AUTS2: variants seen among roughly 807,000 people sequenced by gnomAD.
AUTS2 encodes the protein activator of transcription and developmental regulator AUTS2.
Under a neutral mutation model 112.4 loss-of-function variants are expected in AUTS2, and 17 were observed. The observed-to-expected ratio is 0.15, with a 90% CI of 0.10 to 0.23. The LOEUF (loss-of-function observed/expected upper bound fraction) is 0.23, where lower values mean the gene tolerates loss of function less well. Among genes scored for constraint, AUTS2 ranks in the 10% least tolerant of loss-of-function variants. AUTS2 has a pLI of 1.00. For synonymous variants in AUTS2, 751 were observed against 702.7 expected, an observed-to-expected ratio of 1.07 and a Z score of -1.09; for missense variants, 1,510 against 1,701.6, an observed-to-expected ratio of 0.89 and a Z score of 1.98.
At chr7:69,966,978 G>C (rs1797657532) in intron 2 of AUTS2, among the ~76,000 whole-genome samples, 1 of 152,330 alleles carries the variant, frequency 6.6e-6, no homozygotes, top group African/African-American at 2.4e-5. Flanking sequence ...AGGGGGAATA[G>C]TAAGAGAAAG....
chr7:69,824,115 A>G (rs1791128204), intron 1 of AUTS2, among the ~76,000 whole-genome samples: 1 of 152,156 alleles, frequency 6.6e-6, no homozygotes, highest in Non-Finnish European at 1.5e-5. Flanking sequence ...AATTATAGCT[A>G]TTAATAAGTG....
At position 69,973,260 on chromosome 7, in the gene AUTS2, T is replaced by C. The variant is rs1797928867; in HGVS notation, c.522+73762T>C. On this transcript the variant is annotated intron_variant, in intron 2 of 18. Transcript: ENST00000342771. ...TTGTTAGTATACAGAATACAACTTA[T>C]TTTCAAATGTTGTTTTTTGTATCCT... 2.0e-5 allele frequency among the ~76,000 whole-genome samples: 3 copies of C among 152,234 alleles called. No homozygotes were observed. In the South Asian group the frequency reaches 6.2e-4, roughly 31 times the overall value.
intron 2 of AUTS2, among the ~76,000 whole-genome samples, chr7:70,042,366 G>T (rs1801286126): frequency 6.6e-6 from 1 of 152,072 alleles, no homozygotes; most frequent in Non-Finnish European, 1.5e-5. Context: ...AAACAGATGA[G>T]GCAGAGCCTA....
chr7:70,634,445 G>T (rs1354596404), intron 5 of AUTS2, among the ~76,000 whole-genome samples: 1 of 152,162 alleles, frequency 6.6e-6, no homozygotes, highest in African/African-American at 2.4e-5. Flanking sequence ...TGTTCGGCGG[G>T]CCTAGCCTTG....
intron 4 of AUTS2, among the ~76,000 whole-genome samples, chr7:70,150,706 T>G (rs770551310): frequency 6.6e-6 from 1 of 152,210 alleles, no homozygotes; most frequent in South Asian, 2.1e-4. Context: ...TCAGCCTGTT[T>G]TAGGTTCTGT....
intron 4 of AUTS2, among the ~76,000 whole-genome samples, chr7:70,370,427 A>T (rs1792788854): frequency 6.6e-6 from 1 of 152,212 alleles, no homozygotes; most frequent in Admixed American, 6.5e-5. Context: ...ATGGAATCAT[A>T]CAATATATGG....
intron 1 of AUTS2, among the ~76,000 whole-genome samples, chr7:69,856,463 G>C (rs894254677): frequency 6.6e-6 from 1 of 152,046 alleles, no homozygotes; most frequent in Non-Finnish European, 1.5e-5. Flanking sequence ...CAGTTCCTGC[G>C]GTCCCTCTCT....
intron 2 of AUTS2, among the ~76,000 whole-genome samples, chr7:70,108,890 T>C (rs1804921781): frequency 2.0e-5 from 3 of 151,490 alleles, no homozygotes; most frequent in Non-Finnish European, 4.4e-5. Flanking sequence ...AGTGCTGGGA[T>C]TGTGAGCCAC....
chr7:70,420,637 T>G (rs1795178907), intron 4 of AUTS2, among the ~76,000 whole-genome samples: 1 of 152,204 alleles, frequency 6.6e-6, no homozygotes, highest in African/African-American at 2.4e-5. Context: ...AGGAGGCTCC[T>G]TTTTAATTGG....
chr7:69,953,562 C>T (rs1432877647), intron 2 of AUTS2, among the ~76,000 whole-genome samples: 1 of 152,092 alleles, frequency 6.6e-6, no homozygotes, highest in Non-Finnish European at 1.5e-5. Context: ...AGGTTGTGTT[C>T]GGCAGCTGGA....
intron 4 of AUTS2, among the ~76,000 whole-genome samples, chr7:70,166,782 A>G (rs1199156554): frequency 6.6e-6 from 1 of 152,204 alleles, no homozygotes; most frequent in Non-Finnish European, 1.5e-5. Context: ...CAATAATTAC[A>G]CTAAATATAA....
intron 2 of AUTS2, among the ~76,000 whole-genome samples, chr7:70,053,543 G>GTTTTTTTTTTTTTTT (rs1563067760): frequency 9.9e-6 from 1 of 101,020 alleles, no homozygotes; most frequent in African/African-American, 4.5e-5. Flanking sequence ...TGTTTTGGGT[G>GTTTTTTTTTTTTTTT]GTTTTTTTTT....
intron 4 of AUTS2, among the ~76,000 whole-genome samples, chr7:70,342,057 T>C (rs993245753): frequency 1.3e-5 from 2 of 152,200 alleles, no homozygotes; most frequent in African/African-American, 4.8e-5. Context: ...ACTACTGGGC[T>C]TGCTTTCTTA....
At chr7:70,419,559 C>A (rs1585123775) in intron 4 of AUTS2, among the ~76,000 whole-genome samples, 1 of 152,094 alleles carries the variant, frequency 6.6e-6, no homozygotes, top group South Asian at 2.1e-4. Context: ...ATTATTGGGT[C>A]ATTTCCTAAT....
At chr7:70,249,482 G>A (rs1786469736) in intron 4 of AUTS2, among the ~76,000 whole-genome samples, 1 of 152,188 alleles carries the variant, frequency 6.6e-6, no homozygotes, top group Admixed American at 6.5e-5. Flanking sequence ...CCTGGGGCGC[G>A]TTCTTAGAGG....
At chr7:69,724,158 A>G (rs1036689616) in intron 1 of AUTS2, among the ~76,000 whole-genome samples, 1 of 152,170 alleles carries the variant, frequency 6.6e-6, no homozygotes, top group Non-Finnish European at 1.5e-5. Flanking sequence ...CCTGTCACCA[A>G]CATATTGTAT....
intron 1 of AUTS2, among the ~76,000 whole-genome samples, chr7:69,825,294 G>A (rs560243960): frequency 1.3e-5 from 2 of 152,254 alleles, no homozygotes; most frequent in South Asian, 4.2e-4. Context: ...CACTGGCAGA[G>A]CTTTTAAGAA....
intron 5 of AUTS2, among the ~76,000 whole-genome samples, chr7:70,486,840 G>A (rs1041303156): frequency 1.3e-5 from 2 of 151,782 alleles, no homozygotes; most frequent in African/African-American, 4.8e-5. Flanking sequence ...GCTGGTGGTG[G>A]TGGTGGTAGT....
chr7:70,790,993 A>G lies in AUTS2; in HGVS notation c.3777A>G (p.Arg1259=). Residue 1259 remains arginine, a synonymous_variant, in exon 19 of 19, where the codon CGA becomes CGG. Coordinates refer to ENST00000342771, the MANE Select transcript of AUTS2 (RefSeq NM_015570.4). This position sits in a 1 kb window ranked among gnomAD's most constrained non-coding sequence, Gnocchi z 7.6. ...PSHTLKDIEA[R] ...ACACGCTGAAGGATATCGAGGCCCG[A>G]TAAGCCGAGAACAGGAGCAAGAACG... The G allele has an allele frequency of 6.7e-7, 1 of 1,496,122 alleles. No homozygotes were observed. The highest frequency in any genetic ancestry group is 2.3e-5 in the East Asian group (1 of 42,830). 92.7% of individuals were successfully genotyped at this position (1,496,122 alleles called of 1,614,324 possible).
Sources: allele counts gnomAD v4.1 joint callset (sites outside exome capture counted in the v4.1 genomes callset), GRCh38; gene constraint gnomAD v4.1.1; non-coding constraint Gnocchi (gnomAD v3.1); transcripts MANE v1.5; gene names NCBI Gene and HGNC (gene_info 2026-07-23, HGNC 2026-07-21).